CALN1: variants seen among roughly 807,000 people sequenced by gnomAD.
The protein encoded by CALN1 is calcium-binding protein 8.
CALN1 carries 17 observed loss-of-function variants against 30.6 expected under a neutral mutation model. That is an observed-to-expected ratio of 0.56 (90% CI 0.38 to 0.83). The LOEUF (loss-of-function observed/expected upper bound fraction) is 0.83, where lower values mean the gene tolerates loss of function less well. CALN1 is among the 40% of genes least tolerant of loss of function. CALN1 has a pLI of 0.00. For missense variants in CALN1, 291 were observed against 354.9 expected, an observed-to-expected ratio of 0.82 and a Z score of 1.45; for synonymous variants, 156 against 131.4, an observed-to-expected ratio of 1.19 and a Z score of -1.28.
At chr7:71,950,056 C>T (rs868564853) in intron 5 of CALN1, among the ~76,000 whole-genome samples, 1 of 152,180 alleles carries the variant, frequency 6.6e-6, no homozygotes, top group Non-Finnish European at 1.5e-5. Context: ...GCCACCGTGC[C>T]TGGCCACTTT....
chr7:72,360,125 CA>C lies in CALN1; in HGVS notation c.119+43125del, dbSNP rs1803486431. On this transcript the variant is annotated intron_variant, in intron 2 of 6. Transcript: ENST00000395275. ...TCATGGTCGAATCTTGGTTTTAAAA[CA>C]AACTATAAAGGACATTATTGCAACA... Among the ~76,000 whole-genome samples, 16 of 152,146 alleles carry C rather than the reference CA, an allele frequency of 1.1e-4. No homozygotes were observed. In the South Asian group the frequency reaches 3.3e-3, roughly 32 times the overall value.
intron 4 of CALN1, among the ~76,000 whole-genome samples, chr7:72,093,419 G>T (rs1322246169): frequency 1.3e-5 from 2 of 152,150 alleles, no homozygotes; most frequent in African/African-American, 4.8e-5. Flanking sequence ...TTCCCAAGTG[G>T]GATTCTGAGA....
chr7:72,185,459 T>C (rs746043612), intron 3 of CALN1, among the ~76,000 whole-genome samples: 1 of 152,178 alleles, frequency 6.6e-6, no homozygotes, highest in African/African-American at 2.4e-5. Context: ...GGCACAGAAC[T>C]TCCCTTTTCA....
intron 3 of CALN1, among the ~76,000 whole-genome samples, chr7:72,143,757 T>C (rs959003394): frequency 2.0e-5 from 3 of 152,194 alleles, no homozygotes; most frequent in Non-Finnish European, 4.4e-5. Flanking sequence ...GGGAAGCCCA[T>C]CAGACTAACA....
intron 5 of CALN1, among the ~76,000 whole-genome samples, chr7:71,925,284 CAAGAAAAGAA>C (rs71092934): frequency 2.6e-5 from 4 of 151,118 alleles, no homozygotes; most frequent in Non-Finnish European, 2.9e-5. Flanking sequence ...AGCAAGCAAG[CAAGAAAAGAA>C]AAGAAAAGAA....
rs916523886 is a variant in CALN1, at chr7:72,143,137, C to A, written c.245-36843G>T. Among the ~76,000 whole-genome samples, 3 of 151,982 alleles carry A rather than the reference C, an allele frequency of 2.0e-5. No individual in the cohort carries two copies. In the South Asian group the frequency reaches 6.2e-4, roughly 32 times the overall value. On this transcript the variant is annotated intron_variant, in intron 3 of 6. Transcript: ENST00000395275. ...AAAGCTGGACAGAGAATGACTTTGA[C>A]GAGTTGAGAGAAGAAGGCTACAGAC...
At chr7:71,910,647 A>G in intron 5 of CALN1, among the ~76,000 whole-genome samples, 1 of 152,176 alleles carries the variant, frequency 6.6e-6, no homozygotes, top group East Asian at 1.9e-4. Context: ...TCTTGAGTAG[A>G]GTTATGTAAG....
intron 5 of CALN1, among the ~76,000 whole-genome samples, chr7:71,843,007 G>A (rs1790023032): frequency 2.0e-5 from 3 of 152,292 alleles, no homozygotes; most frequent in Middle Eastern, 3.4e-3. Flanking sequence ...GGTAGTGAGA[G>A]GTTGTTATTT....
chr7:72,433,534 C>T (rs922031125), intron 1 of CALN1, among the ~76,000 whole-genome samples: 7 of 152,036 alleles, frequency 4.6e-5, no homozygotes, highest in Non-Finnish European at 8.8e-5. Context: ...GCTTGCGGCT[C>T]CTAAGTAGAA....
At chr7:72,372,703 G>A (rs1450468940) in intron 2 of CALN1, among the ~76,000 whole-genome samples, 1 of 152,114 alleles carries the variant, frequency 6.6e-6, no homozygotes, top group African/African-American at 2.4e-5. Flanking sequence ...ACTGAAATTG[G>A]AACCATAACC....
At chr7:72,169,485 G>GATTT (rs548118349) in intron 3 of CALN1, among the ~76,000 whole-genome samples, 3,308 of 60,402 alleles carry the variant, frequency 0.055, 134 homozygotes, top group African/African-American at 0.18. Flanking sequence ...ACACCCAGCT[G>GATTT]ATTATTTTTT....
At chr7:72,067,826 C>T (rs1002996115) in intron 4 of CALN1, among the ~76,000 whole-genome samples, 3 of 152,198 alleles carry the variant, frequency 2.0e-5, no homozygotes, top group Non-Finnish European at 4.4e-5. Flanking sequence ...CTTCTGCTGT[C>T]CTCTTCATCT....
In CALN1 at chr7:71,781,403, C is replaced by G. The variant is rs1792706340; in HGVS notation, c.*6372G>C. The stretch of plus-strand genomic sequence containing the variant: ...GGCTTGACAGATGTCAGCATCCTCC[C>G]AGGAATGGCGAGCTACCAGCCTGCT... On this transcript the variant is annotated 3_prime_UTR_variant, in exon 7 of 7. Coordinates refer to ENST00000395275, the MANE Select transcript of CALN1 (RefSeq NM_031468.4). 6.6e-6 allele frequency: 1 copy of G among 152,264 alleles called. No individual in the cohort carries two copies. Among genetic ancestry groups the G allele is most frequent in the Admixed American group, 6.5e-5 (1 of 15,270 alleles). The allele number at this position is 152,264 out of a possible 1,614,324, so 9.4% of individuals were successfully genotyped here.
At chr7:72,068,805 A>G (rs1160342991) in intron 4 of CALN1, among the ~76,000 whole-genome samples, 1 of 152,092 alleles carries the variant, frequency 6.6e-6, no homozygotes, top group African/African-American at 2.4e-5. Context: ...CTCATTTTGC[A>G]TATTTTTTGT....
chr7:71,922,374 G>A (rs1794990263), intron 5 of CALN1, among the ~76,000 whole-genome samples: 1 of 150,970 alleles, frequency 6.6e-6, no homozygotes, highest in Non-Finnish European at 1.5e-5. Context: ...AGACCTATAG[G>A]ACTAGCCTAC....
chr7:72,212,510 G>A (rs979614108), intron 3 of CALN1, among the ~76,000 whole-genome samples: 3 of 151,996 alleles, frequency 2.0e-5, no homozygotes, highest in Admixed American at 2.0e-4. Context: ...CATAGAAGAC[G>A]ACCTATCTTA....
At chr7:72,159,089 A>G (rs192891325) in intron 3 of CALN1, among the ~76,000 whole-genome samples, 69 of 151,790 alleles carry the variant, frequency 4.5e-4, no homozygotes, top group Non-Finnish European at 8.4e-4. Context: ...CTGACCTCAG[A>G]TTTCCACCCA....
chr7:71,979,869 CTTTTTTTTTT>C (rs555621436), intron 5 of CALN1, among the ~76,000 whole-genome samples: 3 of 89,692 alleles, frequency 3.3e-5, no homozygotes, highest in Admixed American at 1.3e-4. Context: ...CATCAGGATT[CTTTTTTTTTT>C]TTTTTTTTTT....
rs557692555 is a variant in CALN1, at chr7:72,412,296, GAA to G, written c.-314_-313del. The G allele has an allele frequency of 1.3e-5, 2 of 152,106 alleles. No individual in the cohort carries two copies. Among genetic ancestry groups the G allele is most frequent in the Non-Finnish European group, 2.9e-5 (2 of 68,048 alleles). 9.4% of individuals were successfully genotyped at this position (152,106 alleles called of 1,614,324 possible). A position where few individuals can be genotyped will look rare whatever the true frequency, so the allele number is the denominator to read the frequency against. ...GTAAGCTTTATTAAGAAGCAGGAAA[GAA>G]AAAAACACAAACTCAAGCGGATAGC... is the stretch of plus-strand genomic sequence containing the variant. On this transcript the variant is annotated 5_prime_UTR_variant, in exon 1 of 7. Coordinates refer to ENST00000395275, the MANE Select transcript of CALN1 (RefSeq NM_031468.4).
Sources: allele counts gnomAD v4.1 joint callset (sites outside exome capture counted in the v4.1 genomes callset), GRCh38; gene constraint gnomAD v4.1.1; transcripts MANE v1.5; gene names NCBI Gene and HGNC (gene_info 2026-07-23, HGNC 2026-07-21).